LGSN: variants seen among roughly 807,000 people sequenced by gnomAD.
LGSN encodes the protein lengsin, lens protein with glutamine synthetase domain.
A neutral mutation model predicts 19.5 loss-of-function variants in LGSN; 21 were observed. The ratio of observed to expected loss-of-function variants is 1.07; its 90% CI spans 0.76 to 1.55. LGSN has a LOEUF of 1.55. Among genes scored for constraint, LGSN ranks in the 40% most tolerant of loss-of-function variants. The pLI, the probability that LGSN is intolerant of heterozygous loss-of-function variation, is 0.00. For synonymous variants in LGSN, 257 were observed against 215.6 expected, an observed-to-expected ratio of 1.19 and a Z score of -1.68; for missense variants, 673 against 608.5, an observed-to-expected ratio of 1.11 and a Z score of -1.12.
the LGSN span, among the ~76,000 whole-genome samples, chr6:63,511,040 G>A: frequency 1.3e-5 from 2 of 152,028 alleles, no homozygotes; most frequent in Non-Finnish European, 2.9e-5. Context: ...AATGTGCTTG[G>A]TAGAATAAGG....
the LGSN span, among the ~76,000 whole-genome samples, chr6:63,353,656 G>T: frequency 2.1e-5 from 3 of 146,236 alleles, no homozygotes; most frequent in African/African-American, 5.0e-5. Flanking sequence ...CTCAAAATTT[G>T]CATGAAACCA....
the LGSN span, among the ~76,000 whole-genome samples, chr6:63,552,481 G>T: frequency 6.6e-6 from 1 of 152,068 alleles, no homozygotes; most frequent in African/African-American, 2.4e-5. Flanking sequence ...CCATTCTGTA[G>T]GTTGCCTGTT....
the LGSN span, among the ~76,000 whole-genome samples, chr6:63,425,260 C>A: frequency 2.6e-5 from 4 of 152,196 alleles, no homozygotes; most frequent in African/African-American, 9.7e-5. Context: ...GCAACTGTAT[C>A]CCTAGGCACT....
At chr6:63,502,242 G>A in the LGSN span, among the ~76,000 whole-genome samples, 22 of 152,338 alleles carry the variant, frequency 1.4e-4, no homozygotes, top group Non-Finnish European at 3.2e-4. Flanking sequence ...CTTAGATTGA[G>A]TTAACTATCT....
the LGSN span, among the ~76,000 whole-genome samples, chr6:63,394,628 C>G: frequency 3.3e-5 from 5 of 152,208 alleles, no homozygotes; most frequent in African/African-American, 4.8e-5. Flanking sequence ...TTGGCGTAAC[C>G]ATTCTTTATT....
At chr6:63,376,623 T>C in the LGSN span, among the ~76,000 whole-genome samples, 4 of 152,204 alleles carry the variant, frequency 2.6e-5, no homozygotes, top group African/African-American at 9.6e-5. Context: ...CTCTTTAACT[T>C]CTTTTTTAAT....
chr6:63,346,783 C>T, the LGSN span, among the ~76,000 whole-genome samples: 2 of 151,976 alleles, frequency 1.3e-5, no homozygotes, highest in Non-Finnish European at 2.9e-5. Flanking sequence ...AGGCCTGGAA[C>T]TTTCGAGCTC....
chr6:63,348,391 T>A, the LGSN span, among the ~76,000 whole-genome samples: 9 of 150,236 alleles, frequency 6.0e-5, no homozygotes, highest in East Asian at 1.6e-3. Flanking sequence ...GAGGCGGAGG[T>A]TTCAGTGAGC....
intron 1 of LGSN, among the ~76,000 whole-genome samples, chr6:63,310,754 A>C (rs1768595228): frequency 6.6e-6 from 1 of 152,168 alleles, no homozygotes; most frequent in South Asian, 2.1e-4. Context: ...ATTAGGAAAC[A>C]AAAGGAAGAC....
At chr6:63,455,794 C>T in the LGSN span, among the ~76,000 whole-genome samples, 1 of 151,050 alleles carries the variant, frequency 6.6e-6, no homozygotes, top group Non-Finnish European at 1.5e-5. Context: ...ATCTGTGGCC[C>T]AGAGGCACAG....
chr6:63,523,827 A>G, the LGSN span, among the ~76,000 whole-genome samples: 1 of 152,118 alleles, frequency 6.6e-6, no homozygotes, highest in Non-Finnish European at 1.5e-5. Flanking sequence ...AAGCCAAAAG[A>G]TTGGACACCC....
chr6:63,463,500 A>G, the LGSN span, among the ~76,000 whole-genome samples: 1 of 152,194 alleles, frequency 6.6e-6, no homozygotes, highest in South Asian at 2.1e-4. Context: ...TTATAAATAC[A>G]TATGATGTTC....
the LGSN span, among the ~76,000 whole-genome samples, chr6:63,339,994 C>G: frequency 1.3e-5 from 2 of 152,022 alleles, no homozygotes; most frequent in Non-Finnish European, 2.9e-5. Context: ...AAAGACTTTA[C>G]TTCTCCTCAT....
intron 2 of LGSN, among the ~76,000 whole-genome samples, chr6:63,287,537 A>G (rs1288454390): frequency 1.3e-5 from 2 of 151,976 alleles, no homozygotes; most frequent in African/African-American, 4.8e-5. Flanking sequence ...GCAAAACCCC[A>G]TTTCTACTAA....
chr6:63,461,918 A>G, the LGSN span, among the ~76,000 whole-genome samples: 1 of 152,232 alleles, frequency 6.6e-6, no homozygotes. Flanking sequence ...TCATCTAAGT[A>G]TGAACATAGA....
At chr6:63,527,757 G>A in the LGSN span, 1 of 152,194 alleles carries the variant, frequency 6.6e-6, no homozygotes, top group South Asian at 2.1e-4. Flanking sequence ...GGAAGTTAGA[G>A]CTTAGACAGT....
chr6:63,480,031 T>G, the LGSN span: 821 of 152,744 alleles, frequency 5.4e-3, 2 homozygotes, highest in Non-Finnish European at 7.8e-3. Context: ...CACTCACTCT[T>G]TACAACAACC....
the LGSN span, among the ~76,000 whole-genome samples, chr6:63,501,446 G>A: frequency 6.6e-6 from 1 of 151,568 alleles, no homozygotes; most frequent in Non-Finnish European, 1.5e-5. Context: ...GATGCATAGA[G>A]CTATGGCATC....
At chr6:63,426,775 A>G in the LGSN span, among the ~76,000 whole-genome samples, 4 of 152,266 alleles carry the variant, frequency 2.6e-5, no homozygotes, top group African/African-American at 9.6e-5. Flanking sequence ...TTGGCCTCCT[A>G]AAGCACTGGG....
Sources: gnomAD v4.1 joint callset for allele counts (sites outside exome capture counted in the v4.1 genomes callset) on GRCh38, gnomAD v4.1.1 for gene constraint, MANE v1.5 for transcripts, NCBI Gene and HGNC (gene_info 2026-07-23, HGNC 2026-07-21) for gene names.